Variants in PPP3CA observed in about 807,000 individuals in gnomAD.
The protein encoded by PPP3CA is CAM-PRP catalytic subunit.
PPP3CA carries 14 observed loss-of-function variants against 66.5 expected under a neutral mutation model. That is an observed-to-expected ratio of 0.21 (90% CI 0.14 to 0.33). The LOEUF is 0.33. PPP3CA is among the 10% of genes least tolerant of loss of function. The pLI, the probability that PPP3CA is intolerant of heterozygous loss-of-function variation, is 1.00. For missense variants in PPP3CA, 317 were observed against 639.5 expected (o/e 0.50, Z 5.44); for synonymous variants, 232 against 226.2 (o/e 1.03, Z -0.23).
chr4:101,149,275 C>T (rs1415822978), intron 2 of PPP3CA, among the ~76,000 whole-genome samples: 1 of 152,038 alleles, frequency 6.6e-6, no homozygotes, highest in East Asian at 1.9e-4. Flanking sequence ...ATTGGCTTTG[C>T]CTTCACATGC....
chr4:101,330,521 C>T (rs1729350598), intron 1 of PPP3CA: 2 of 478,042 alleles, frequency 4.2e-6, no homozygotes, highest in Non-Finnish European at 4.3e-6. Flanking sequence ...ATGTACATTG[C>T]TTTTTTAAAC....
At chr4:101,191,669 G>T (rs1724606453) in intron 2 of PPP3CA, among the ~76,000 whole-genome samples, 1 of 152,132 alleles carries the variant, frequency 6.6e-6, no homozygotes, top group South Asian at 2.1e-4. Flanking sequence ...GATCTTTTAG[G>T]TCCCAGAAGA....
chr4:101,292,606 TGA>T (rs1728064605), intron 1 of PPP3CA, among the ~76,000 whole-genome samples: 4 of 152,222 alleles, frequency 2.6e-5, no homozygotes, highest in Admixed American at 1.3e-4. Context: ...GCTTTGGCAA[TGA>T]ATTGAAGAGA....
intron 2 of PPP3CA, among the ~76,000 whole-genome samples, chr4:101,124,728 AAAGAAAGAAAGAAAGAAAGAAAG>A (rs1560614484): frequency 1.9e-5 from 1 of 52,112 alleles, no homozygotes; most frequent in African/African-American, 7.4e-5. Context: ...AAAGAAAGAG[AAAGAAAGAAAGAAAGAAAGAAAG>A]AAAGAAAGAA....
At chr4:101,133,806 G>T (rs917556549) in intron 2 of PPP3CA, among the ~76,000 whole-genome samples, 39 of 152,184 alleles carry the variant, frequency 2.6e-4, no homozygotes, top group African/African-American at 8.7e-4. Flanking sequence ...TAAGCAAAAA[G>T]AACAAAGCTG....
chr4:101,141,791 G>A (rs766696099), intron 2 of PPP3CA, among the ~76,000 whole-genome samples: 3 of 152,120 alleles, frequency 2.0e-5, no homozygotes, highest in Non-Finnish European at 2.9e-5. Context: ...TCCCAAGAAC[G>A]GAGACTGTTC....
intron 1 of PPP3CA, among the ~76,000 whole-genome samples, chr4:101,202,834 C>T (rs57300146): frequency 0.062 from 9,405 of 152,038 alleles, 937 homozygotes; most frequent in African/African-American, 0.2. Context: ...TTTTTTCCTG[C>T]TGCTATGATG....
intron 1 of PPP3CA, among the ~76,000 whole-genome samples, chr4:101,201,508 A>T (rs1724966069): frequency 6.6e-6 from 1 of 152,230 alleles, no homozygotes; most frequent in Non-Finnish European, 1.5e-5. Context: ...TCCATACCAT[A>T]AGTAAACGCA....
chr4:101,230,280 T>A (rs954962277), intron 1 of PPP3CA, among the ~76,000 whole-genome samples: 1 of 151,626 alleles, frequency 6.6e-6, no homozygotes. Context: ...AATTCCTAAT[T>A]TTTGGGCCAA....
chr4:101,188,367 AT>A (rs1724480144), intron 2 of PPP3CA, among the ~76,000 whole-genome samples: 1 of 152,006 alleles, frequency 6.6e-6, no homozygotes, highest in Non-Finnish European at 1.5e-5. Flanking sequence ...TCTATCTAAA[AT>A]TTTTCTTCCT....
chr4:101,274,920 T>C (rs1727442375), intron 1 of PPP3CA, among the ~76,000 whole-genome samples: 1 of 152,204 alleles, frequency 6.6e-6, no homozygotes, highest in Non-Finnish European at 1.5e-5. Flanking sequence ...ATGAGATAAA[T>C]TGTGTGAGTA....
At chr4:101,152,716 C>A (rs1473703890) in intron 2 of PPP3CA, among the ~76,000 whole-genome samples, 1 of 152,124 alleles carries the variant, frequency 6.6e-6, no homozygotes, top group East Asian at 1.9e-4. Flanking sequence ...TTAAGATAAC[C>A]TACCATGGGG....
chr4:101,154,795 A>G (rs1229163928), intron 2 of PPP3CA, among the ~76,000 whole-genome samples: 1 of 145,580 alleles, frequency 6.9e-6, no homozygotes, highest in Non-Finnish European at 1.5e-5. Context: ...TTCAGAACAC[A>G]TTCACTCCCA....
intron 1 of PPP3CA, among the ~76,000 whole-genome samples, chr4:101,295,327 AAAAAG>A (rs1728169413): frequency 6.6e-6 from 1 of 151,382 alleles, no homozygotes; most frequent in African/African-American, 2.4e-5. Context: ...AAAAAAAAAA[AAAAAG>A]AAAGTATATT....
intron 1 of PPP3CA, among the ~76,000 whole-genome samples, chr4:101,221,272 G>A (rs990869013): frequency 6.6e-6 from 1 of 151,508 alleles, no homozygotes; most frequent in African/African-American, 2.4e-5. Context: ...TCTTCCAAGG[G>A]ACTCACATGG....
chr4:101,346,932 G>C lies in PPP3CA; in HGVS notation c.-136C>G. 9.8e-7 allele frequency: 1 copy of C among 1,018,050 alleles called. No homozygotes were observed. Among genetic ancestry groups the C allele is most frequent in the Non-Finnish European group, 1.5e-6 (1 of 683,726 alleles). 63.1% of individuals were successfully genotyped at this position (1,018,050 alleles called of 1,614,324 possible). A position where few individuals can be genotyped will look rare whatever the true frequency, so the allele number is the denominator to read the frequency against. On this transcript the variant is annotated 5_prime_UTR_variant, in exon 1 of 14. Coordinates refer to ENST00000394854, the MANE Select transcript of PPP3CA (RefSeq NM_000944.5). ...TGCAAACCGCTCGGCTGGAGGTCTA[G>C]GCTCTGAGCTGGCTTTAAAGTTGCT...
chr4:101,074,106 A>G (rs181589014), intron 8 of PPP3CA, among the ~76,000 whole-genome samples: 18 of 152,370 alleles, frequency 1.2e-4, no homozygotes, highest in African/African-American at 2.9e-4. Flanking sequence ...AAAGTGCTTT[A>G]AAAGTCAATA....
chr4:101,330,420 A>C lies in PPP3CA; in HGVS notation c.58+16319T>G, dbSNP rs754558986. 1.7e-5 allele frequency: 9 copies of C among 533,716 alleles called. No homozygotes were observed. The East Asian group carries it at 4.9e-4, about 29-fold the overall frequency. The allele number at this position is 533,716 out of a possible 1,614,324, so 33.1% of individuals were successfully genotyped here. ...CAACTCAAAGGATTTCCAATACTAC[A>C]TACATTTAGCTGATAAAGCAACAGC... is the stretch of plus-strand genomic sequence containing the variant. On this transcript the variant is annotated intron_variant, in intron 1 of 13. Coordinates refer to ENST00000394854, the MANE Select transcript of PPP3CA (RefSeq NM_000944.5).
chr4:101,130,522 A>C (rs1226951466), intron 2 of PPP3CA, among the ~76,000 whole-genome samples: 2 of 152,222 alleles, frequency 1.3e-5, no homozygotes, highest in Non-Finnish European at 2.9e-5. Flanking sequence ...TTACCCACAA[A>C]TGGAAGCCCA....
Sources: gnomAD v4.1 joint callset for allele counts (sites outside exome capture counted in the v4.1 genomes callset) on GRCh38, gnomAD v4.1.1 for gene constraint, MANE v1.5 for transcripts, NCBI Gene and HGNC (gene_info 2026-07-23, HGNC 2026-07-21) for gene names.